AKAP6: variants seen among roughly 807,000 people sequenced by gnomAD.
AKAP6 encodes the protein A-kinase anchor protein 6.
In AKAP6, 58 loss-of-function variants were observed where a neutral mutation model predicts 188.5. The ratio of observed to expected loss-of-function variants is 0.31; its 90% CI spans 0.25 to 0.38. AKAP6 has a LOEUF of 0.38. Ranked by LOEUF, AKAP6 falls within the 10% of genes least tolerant of loss-of-function variation. The pLI, the probability that AKAP6 is intolerant of heterozygous loss-of-function variation, is 1.00. For synonymous variants in AKAP6, 989 were observed against 998.6 expected, an observed-to-expected ratio of 0.99 and a Z score of 0.18; for missense variants, 2,710 against 2,740.0, an observed-to-expected ratio of 0.99 and a Z score of 0.24.
chr14:32,810,111 C>T (rs17099548), intron 12 of AKAP6, among the ~76,000 whole-genome samples: 50 of 152,164 alleles, frequency 3.3e-4, no homozygotes, highest in Non-Finnish European at 6.5e-4. Flanking sequence ...CAGTGTCTTA[C>T]ATCTCTGTGC....
chr14:32,369,032 C>T (rs1422021055), intron 1 of AKAP6, among the ~76,000 whole-genome samples: 1 of 151,962 alleles, frequency 6.6e-6, no homozygotes, highest in Non-Finnish European at 1.5e-5. Flanking sequence ...TGAGAATGAA[C>T]GGGCTTTATT....
chr14:32,480,902 T>G (rs1159538357), intron 2 of AKAP6, among the ~76,000 whole-genome samples: 1 of 152,150 alleles, frequency 6.6e-6, no homozygotes, highest in Non-Finnish European at 1.5e-5. Context: ...TAAAGACACT[T>G]TAAAAATATG....
At chr14:32,588,670 T>C (rs1363764448) in intron 5 of AKAP6, among the ~76,000 whole-genome samples, 1 of 152,190 alleles carries the variant, frequency 6.6e-6, no homozygotes, top group Non-Finnish European at 1.5e-5. Flanking sequence ...AGCACCAAAT[T>C]CCTACAGACA....
At chr14:32,430,574 T>C (rs1306338529) in intron 1 of AKAP6, among the ~76,000 whole-genome samples, 2 of 152,142 alleles carry the variant, frequency 1.3e-5, no homozygotes, top group Non-Finnish European at 2.9e-5. Context: ...TATGTGTCAG[T>C]GTAGCTTAAA....
At chr14:32,600,944 C>A (rs1353755421) in intron 7 of AKAP6, 152 bp downstream of exon 7, 2 of 678,392 alleles carry the variant, frequency 2.9e-6, no homozygotes, top group Non-Finnish European at 2.1e-6. Flanking sequence ...AAATGAAATG[C>A]CTTAGTTTAA....
intron 1 of AKAP6, among the ~76,000 whole-genome samples, chr14:32,387,931 C>A (rs11623172): frequency 0.011 from 1,687 of 151,738 alleles, 15 homozygotes; most frequent in South Asian, 0.023. Flanking sequence ...GGTACCAGTT[C>A]TTCTTTGAAT....
At chr14:32,611,032 A>T (rs145279109) in intron 7 of AKAP6, among the ~76,000 whole-genome samples, 100 of 152,318 alleles carry the variant, frequency 6.6e-4, no homozygotes, top group Middle Eastern at 3.4e-3. Flanking sequence ...TTAGGAAACT[A>T]CTACAATAAT....
chr14:32,629,519 T>C (rs1887167355), intron 7 of AKAP6, among the ~76,000 whole-genome samples: 1 of 150,938 alleles, frequency 6.6e-6, no homozygotes, highest in Non-Finnish European at 1.5e-5. Context: ...CAAGAGCCTG[T>C]AGAACTGGGC....
rs573936213 is a variant in AKAP6, at chr14:32,343,696, C to T, written c.-35+14288C>T. ...CCGGAAGGAGGAGCTTGCAGTGAGC[C>T]GAGATTGTGCCATGCACTCCAGCCT... On this transcript the variant is annotated intron_variant, in intron 1 of 13. Transcript: ENST00000280979. 5.9e-4 allele frequency among the ~76,000 whole-genome samples: 78 copies of T among 131,732 alleles called. No homozygotes were observed. In the South Asian group the frequency reaches 8.7e-3, roughly 15 times the overall value. The allele number at this position is 131,732 out of a possible 152,430, so 86.4% of individuals were successfully genotyped here. A position where few individuals can be genotyped will look rare whatever the true frequency, so the allele number is the denominator to read the frequency against.
chr14:32,540,833 C>T (rs550410168), intron 3 of AKAP6, among the ~76,000 whole-genome samples: 1 of 151,286 alleles, frequency 6.6e-6, no homozygotes, highest in African/African-American at 2.4e-5. Context: ...TAGTGAAATA[C>T]TATATACTGT....
At chr14:32,622,909 A>T (rs1415284581) in intron 7 of AKAP6, among the ~76,000 whole-genome samples, 1 of 152,128 alleles carries the variant, frequency 6.6e-6, no homozygotes, top group Non-Finnish European at 1.5e-5. Flanking sequence ...GAAAAACAGG[A>T]AGTAGAACCT....
At chr14:32,560,898 G>C (rs1423567382) in intron 4 of AKAP6, among the ~76,000 whole-genome samples, 1 of 152,126 alleles carries the variant, frequency 6.6e-6, no homozygotes, top group African/African-American at 2.4e-5. Context: ...AAACTGTCGG[G>C]CAGAATGCTA....
intron 1 of AKAP6, among the ~76,000 whole-genome samples, chr14:32,368,413 T>C (rs1234972730): frequency 1.3e-5 from 2 of 152,172 alleles, no homozygotes; most frequent in African/African-American, 4.8e-5. Context: ...CCAATAATTG[T>C]TAGCTGTAAA....
At chr14:32,513,352 A>G (rs1237728284) in intron 2 of AKAP6, among the ~76,000 whole-genome samples, 2 of 152,204 alleles carry the variant, frequency 1.3e-5, no homozygotes, top group Non-Finnish European at 2.9e-5. Context: ...AAACTTAAGG[A>G]AAAAACAATC....
At chr14:32,615,405 T>C (rs1886530524) in intron 7 of AKAP6, among the ~76,000 whole-genome samples, 1 of 133,168 alleles carries the variant, frequency 7.5e-6, no homozygotes, top group Non-Finnish European at 1.6e-5. Context: ...TTCTTATAAG[T>C]TCCTTCTTTT....
intron 2 of AKAP6, among the ~76,000 whole-genome samples, chr14:32,517,660 A>G (rs1354080478): frequency 6.6e-6 from 1 of 152,198 alleles, no homozygotes; most frequent in African/African-American, 2.4e-5. Context: ...GGCGTCCACC[A>G]TTGCTGAGGC....
chr14:32,584,374 A>C (rs1885133025), intron 5 of AKAP6, among the ~76,000 whole-genome samples: 1 of 152,190 alleles, frequency 6.6e-6, no homozygotes, highest in African/African-American at 2.4e-5. Context: ...TTCACCACAC[A>C]ACTCAGAATG....
intron 1 of AKAP6, among the ~76,000 whole-genome samples, chr14:32,371,569 C>T (rs769617724): frequency 7.2e-5 from 11 of 152,294 alleles, no homozygotes; most frequent in East Asian, 1.9e-4. Context: ...CATTGCACTC[C>T]AGCCTGGGTG....
chr14:32,333,347 A>G (rs1217995741), intron 1 of AKAP6, among the ~76,000 whole-genome samples: 1 of 152,124 alleles, frequency 6.6e-6, no homozygotes, highest in African/African-American at 2.4e-5. Context: ...GATCGCATGG[A>G]TTCAATTCAA....
Sources: allele counts gnomAD v4.1 joint callset (sites outside exome capture counted in the v4.1 genomes callset), GRCh38; gene constraint gnomAD v4.1.1; transcripts MANE v1.5; gene names NCBI Gene and HGNC (gene_info 2026-07-23, HGNC 2026-07-21).